The following ABLIM2 variants were observed in gnomAD, a reference collection of about 807,000 sequenced individuals.
The protein encoded by ABLIM2 is actin-binding LIM protein 2.
ABLIM2 carries 53 observed loss-of-function variants against 97.7 expected under a neutral mutation model. The observed-to-expected ratio is 0.54, with a 90% CI of 0.44 to 0.68. The LOEUF (loss-of-function observed/expected upper bound fraction) is 0.68. ABLIM2 is among the 30% of genes least tolerant of loss of function. The pLI, the probability that ABLIM2 is intolerant of heterozygous loss-of-function variation, is 0.00. For missense variants in ABLIM2, 835 were observed against 867.2 expected, an observed-to-expected ratio of 0.96 and a Z score of 0.47; for synonymous variants, 361 against 345.8, an observed-to-expected ratio of 1.04 and a Z score of -0.49.
chr4:8,144,386 T>C (rs1851466683), intron 1 of ABLIM2, among the ~76,000 whole-genome samples: 1 of 152,250 alleles, frequency 6.6e-6, no homozygotes, highest in Non-Finnish European at 1.5e-5. Context: ...CTGCCCCTTA[T>C]GCCCCAGGGC....
chr4:7,994,768 CTGACTTCATGTCCAAAACACCA>C (rs1389584886), intron 16 of ABLIM2, among the ~76,000 whole-genome samples: 1 of 112,960 alleles, frequency 8.9e-6, no homozygotes, highest in African/African-American at 2.8e-5. Flanking sequence ...CTGTTGTTTC[CTGACTTCATGTCCAAAACACCA>C]AAAGCAATGG....
chr4:8,026,876 TTTA>T (rs1777756024), intron 12 of ABLIM2, among the ~76,000 whole-genome samples: 1 of 150,140 alleles, frequency 6.7e-6, no homozygotes, highest in Non-Finnish European at 1.5e-5. Flanking sequence ...GCAGTGGCCT[TTTA>T]CCTGAGTGTG....
At chr4:8,119,530 G>A (rs1036702787) in intron 1 of ABLIM2, among the ~76,000 whole-genome samples, 2 of 152,018 alleles carry the variant, frequency 1.3e-5, no homozygotes, top group African/African-American at 4.8e-5. Context: ...GTTTCACCAT[G>A]TTGGTCAGGC....
chr4:8,078,888 T>C (rs1309488015), intron 5 of ABLIM2, among the ~76,000 whole-genome samples: 1 of 152,248 alleles, frequency 6.6e-6, no homozygotes. Context: ...GCGAGGTACC[T>C]GCCACTCCAA....
At chr4:8,008,316 G>T in intron 15 of ABLIM2, 116 bp from the exon 16 acceptor site, 1 of 995,720 alleles carries the variant, frequency 1.0e-6, no homozygotes, top group Non-Finnish European at 1.5e-6. Context: ...ACCCCACTGT[G>T]AGAAAACTCA....
intron 14 of ABLIM2, among the ~76,000 whole-genome samples, chr4:8,018,080 G>A (rs532361773): frequency 1.3e-5 from 2 of 152,088 alleles, no homozygotes; most frequent in South Asian, 4.2e-4. Context: ...GACTGAGGTC[G>A]AAACTCTTTG....
intron 8 of ABLIM2, among the ~76,000 whole-genome samples, chr4:8,051,428 G>A (rs1795983858): frequency 6.6e-6 from 1 of 151,634 alleles, no homozygotes. Flanking sequence ...GTGGTGGTGC[G>A]TGGCTGTAGT....
intron 1 of ABLIM2, among the ~76,000 whole-genome samples, chr4:8,151,858 G>A (rs1712944383): frequency 6.6e-6 from 1 of 151,686 alleles, no homozygotes; most frequent in Admixed American, 6.6e-5. Flanking sequence ...GACTTGGGGT[G>A]GGGGTGGGGG....
rs1820748683 is a variant in ABLIM2, at chr4:8,082,774, G to T, written c.455-1972C>A. On this transcript the variant is annotated intron_variant, in intron 4 of 20. Transcript: ENST00000447017. The surrounding 1 kb of genome is among the most constrained non-coding windows in gnomAD (Gnocchi z 5.6). ...TGAATGAATGAATGGGAACCAAAGT[G>T]AGAGGATGCCTCCGCCCTTCTCAAG... Among the ~76,000 whole-genome samples, 1 of 152,218 alleles carries T rather than the reference G, an allele frequency of 6.6e-6. No homozygotes were observed. The highest frequency in any genetic ancestry group is 2.4e-5 in the African/African-American group (1 of 41,466).
intron 1 of ABLIM2, among the ~76,000 whole-genome samples, chr4:8,109,104 C>A (rs1243908613): frequency 2.6e-5 from 4 of 152,252 alleles, no homozygotes; most frequent in Non-Finnish European, 4.4e-5. Context: ...GGCCGCGGCA[C>A]TGGCCCCCCA....
At chr4:8,135,314 T>C (rs143822170) in intron 1 of ABLIM2, among the ~76,000 whole-genome samples, 1 of 152,148 alleles carries the variant, frequency 6.6e-6, no homozygotes, top group South Asian at 2.1e-4. Flanking sequence ...AAAGTGGACA[T>C]TGCACAGGCG....
chr4:8,046,804 C>A lies in ABLIM2; in HGVS notation c.823-1563G>T, dbSNP rs1011405093. 6.7e-6 allele frequency among the ~76,000 whole-genome samples: 1 copy of A among 149,758 alleles called. No individual in the cohort carries two copies. The highest frequency in any genetic ancestry group is 6.6e-5 in the Admixed American group (1 of 15,134). Reference sequence around the variant, plus strand: ...CTAGGATGGGCCCTAATCTGTTATGCCTGGGGTTTCTACGAGCAGGGATCA... The same window carrying A: ...CTAGGATGGGCCCTAATCTGTTATGACTGGGGTTTCTACGAGCAGGGATCA... On this transcript the variant is annotated intron_variant, in intron 8 of 20. Coordinates refer to ENST00000447017, the MANE Select transcript of ABLIM2 (RefSeq NM_001130083.2). This position sits in a 1 kb window ranked among gnomAD's most constrained non-coding sequence, Gnocchi z 4.4.
At chr4:8,153,705 G>A (rs774531573) in intron 1 of ABLIM2, among the ~76,000 whole-genome samples, 6 of 141,548 alleles carry the variant, frequency 4.2e-5, no homozygotes, top group African/African-American at 6.1e-5. Context: ...TTCTACCAGC[G>A]CTGGAGGCAG....
At chr4:8,026,280 G>T (rs143735503) in intron 12 of ABLIM2, among the ~76,000 whole-genome samples, 1 of 152,212 alleles carries the variant, frequency 6.6e-6, no homozygotes, top group East Asian at 1.9e-4. Flanking sequence ...GGGATTACAG[G>T]TATGAGCCAT....
At chr4:8,060,461 C>T (rs560618719) in intron 7 of ABLIM2, among the ~76,000 whole-genome samples, 20 of 152,320 alleles carry the variant, frequency 1.3e-4, no homozygotes, top group South Asian at 1.0e-3. Flanking sequence ...GGGGCTGGCT[C>T]TTCCCTTGCT....
chr4:7,997,554 A>AT (rs1754142115), intron 16 of ABLIM2, among the ~76,000 whole-genome samples: 1 of 151,986 alleles, frequency 6.6e-6, no homozygotes. Context: ...CTCCTGTCAA[A>AT]TTTTTAATTT....
Position 8,061,966 on chromosome 4 carries a change from A to G in ABLIM2, c.676-912T>C, listed in dbSNP as rs1169504850. ...CTGTGTATTGGGAGGAAGAGCCCAG[A>G]GCAGGCTTTTCTCCTGCGCAGAGCC... On this transcript the variant is annotated intron_variant, in intron 6 of 20. Coordinates refer to ENST00000447017, the MANE Select transcript of ABLIM2 (RefSeq NM_001130083.2). The surrounding 1 kb of genome is among the most constrained non-coding windows in gnomAD (Gnocchi z 4.5). Among the ~76,000 whole-genome samples the G allele has an allele frequency of 1.3e-5, 2 of 152,030 alleles. No individual in the cohort carries two copies. Among genetic ancestry groups the G allele is most frequent in the African/African-American group, 2.4e-5 (1 of 41,394 alleles).
At chr4:8,104,920 C>T (rs1836506824) in intron 2 of ABLIM2, among the ~76,000 whole-genome samples, 1 of 152,312 alleles carries the variant, frequency 6.6e-6, no homozygotes, top group African/African-American at 2.4e-5. Context: ...TGTCTGCACT[C>T]CGATGGGCAG....
chr4:8,029,806 T>C, intron 10 of ABLIM2, 30 bp from the exon 11 acceptor site: 1 of 1,558,444 alleles, frequency 6.4e-7, no homozygotes, highest in Non-Finnish European at 8.7e-7. Flanking sequence ...TTGTGAACAC[T>C]GGAGCCGGGA....
Sources: allele counts gnomAD v4.1 joint callset (sites outside exome capture counted in the v4.1 genomes callset), GRCh38; gene constraint gnomAD v4.1.1; non-coding constraint Gnocchi (gnomAD v3.1); transcripts MANE v1.5; gene names NCBI Gene and HGNC (gene_info 2026-07-23, HGNC 2026-07-21).